The following EXD3 variants were observed in gnomAD, a reference collection of about 807,000 sequenced individuals.
The protein encoded by EXD3 is exonuclease mut-7 homolog.
A neutral mutation model predicts 98.0 loss-of-function variants in EXD3; 92 were observed. The observed-to-expected ratio is 0.94, with a 90% CI of 0.79 to 1.12. EXD3 has a LOEUF of 1.12. EXD3 is among the 50% of genes most tolerant of loss of function. EXD3 has a pLI of 0.00. For synonymous variants in EXD3, 569 were observed against 526.0 expected, an observed-to-expected ratio of 1.08 and a Z score of -1.12; for missense variants, 1,222 against 1,191.6, an observed-to-expected ratio of 1.03 and a Z score of -0.38.
intron 16 of EXD3, 108 bp from the exon 17 acceptor site, chr9:137,348,346 T>C: frequency 1.3e-5 from 16 of 1,237,760 alleles, no homozygotes; most frequent in Non-Finnish European, 1.8e-5. Flanking sequence ...CTCTGTTTTA[T>C]CTTCAAAAGA....
chr9:137,356,340 G>A lies in EXD3; in HGVS notation c.685C>T (p.Leu229=). The change falls in exon 8 of 22, where the codon CTG becomes TTG. Residue 229 remains leucine (L), a synonymous_variant. Transcript: ENST00000340951. The part of the protein sequence containing the change: ...RRYPEVTSLS[L]EKLSPKALSR... ...AGCGCCTTCGGACTCAGCTTCTCCA[G>A]GCTCAAGGAGGTCACCTCAGGGTAC... 2 of 1,603,920 alleles carry A rather than the reference G, an allele frequency of 1.2e-6. No individual in the cohort carries two copies. The highest frequency in any genetic ancestry group is 1.7e-6 in the Non-Finnish European group (2 of 1,175,608).
intron 5 of EXD3, 108 bp from the exon 6 acceptor site, chr9:137,368,097 G>A (rs1311017934): frequency 2.8e-5 from 25 of 888,220 alleles, no homozygotes; most frequent in East Asian, 1.3e-4. Flanking sequence ...CACTGAGGCC[G>A]GAGTGCAGGG....
At chr9:137,368,877 G>A (rs1395847520) in intron 5 of EXD3, among the ~76,000 whole-genome samples, 2 of 150,806 alleles carry the variant, frequency 1.3e-5, no homozygotes, top group African/African-American at 4.9e-5. Flanking sequence ...CCGTGGGGAG[G>A]GGCGAAGGTC....
At chr9:137,314,549 G>C (rs987076778) in intron 19 of EXD3, among the ~76,000 whole-genome samples, 3 of 152,032 alleles carry the variant, frequency 2.0e-5, no homozygotes, top group African/African-American at 7.2e-5. Flanking sequence ...GGAACGTCTG[G>C]AGCCTGTGAC....
intron 1 of EXD3, among the ~76,000 whole-genome samples, chr9:137,415,376 T>G (rs1838190359): frequency 2.0e-5 from 3 of 152,094 alleles, no homozygotes; most frequent in Non-Finnish European, 2.9e-5. Context: ...GTAATTTTAG[T>G]AGAGACAGGG....
At chr9:137,421,248 A>G (rs1276954582) in intron 1 of EXD3, among the ~76,000 whole-genome samples, 1 of 152,224 alleles carries the variant, frequency 6.6e-6, no homozygotes, top group African/African-American at 2.4e-5. Flanking sequence ...GTGGGGAAAA[A>G]AAGTCTGAAA....
chr9:137,351,245 G>A (rs1025943468), intron 13 of EXD3, 73 bp downstream of exon 13: 13 of 1,544,142 alleles, frequency 8.4e-6, no homozygotes, highest in Non-Finnish European at 1.1e-5. Context: ...GGGGCACACG[G>A]AGGGAAGGGT....
intron 8 of EXD3, among the ~76,000 whole-genome samples, chr9:137,355,460 A>AGGAAGGAGGAAGGAGGAAGGAGGAAGGAG (rs1231023248): frequency 7.3e-6 from 1 of 137,496 alleles, no homozygotes; most frequent in Non-Finnish European, 1.6e-5. Context: ...TGGAGGAAGG[A>AGGAAGGAGGAAGGAGGAAGGAGGAAGGAG]GAAAGGAGGA....
At position 137,351,313 on chromosome 9, in the gene EXD3, C is replaced by G. The variant is rs559869849; in HGVS notation, c.1384+5G>C. 9.6e-5 allele frequency: 155 copies of G among 1,610,192 alleles called. 3 individuals are homozygous for G. In the South Asian group the frequency reaches 1.4e-3, roughly 15 times the overall value. ...CTGGGCAGGGGGCCCCAGGGCTTCA[C>G]TCACCCAGCTTGGTGATAGAGGGGT... On this transcript the variant is annotated splice_donor_5th_base_variant and intron_variant, in intron 13 of 21. Coordinates refer to ENST00000340951, the MANE Select transcript of EXD3 (RefSeq NM_017820.5).
chr9:137,328,898 GGGACTACACAGGGTCACACGGGACT>G, intron 17 of EXD3, among the ~76,000 whole-genome samples: 1 of 73,200 alleles, frequency 1.4e-5, no homozygotes, highest in Non-Finnish European at 2.5e-5. Flanking sequence ...GGGGCTACAC[GGGACTACACAGGGTCACACGGGACT>G]ACACGGGACT....
At chr9:137,359,044 T>TCATGC (rs1024936660) in intron 7 of EXD3, among the ~76,000 whole-genome samples, 1 of 98,148 alleles carries the variant, frequency 1.0e-5, no homozygotes, top group Non-Finnish European at 2.4e-5. Flanking sequence ...CCTCCTGGGT[T>TCATGC]CATGCCATTC....
At chr9:137,348,783 CTAGA>C (rs1483985789) in intron 16 of EXD3, among the ~76,000 whole-genome samples, 1 of 43,662 alleles carries the variant, frequency 2.3e-5, no homozygotes, top group Non-Finnish European at 4.4e-5. Flanking sequence ...GGGGAGGGGG[CTAGA>C]TAGAGAGGGG....
intron 17 of EXD3, among the ~76,000 whole-genome samples, chr9:137,344,598 G>A (rs952133604): frequency 3.3e-5 from 5 of 152,174 alleles, no homozygotes; most frequent in African/African-American, 1.2e-4. Context: ...TACACACTCA[G>A]CTTTTCAGGT....
intron 5 of EXD3, among the ~76,000 whole-genome samples, chr9:137,368,235 C>T (rs1835373322): frequency 6.6e-6 from 1 of 152,216 alleles, no homozygotes; most frequent in Non-Finnish European, 1.5e-5. Context: ...CTGGATGGGG[C>T]AGCAGGGACT....
At chr9:137,396,008 C>T (rs1837202967) in intron 1 of EXD3, among the ~76,000 whole-genome samples, 1 of 150,142 alleles carries the variant, frequency 6.7e-6, no homozygotes, top group African/African-American at 2.5e-5. Context: ...CTCTGCAATG[C>T]CCAGGCTGGA....
rs1449084175 is a variant in EXD3 at position 137,355,506 on chromosome 9, A to T, written c.758-733T>A. Among the ~76,000 whole-genome samples, 192 of 80,352 alleles carry T rather than the reference A, an allele frequency of 2.4e-3. 1 individual carries two copies. The highest frequency in any genetic ancestry group is 5.4e-3 in the East Asian group (14 of 2,612). The allele number at this position is 80,352 out of a possible 152,430, so 52.7% of individuals were successfully genotyped here. ...AGGAAGGAGGATGGAGGAAGGAGGA[A>T]GGAGGAAGGAGGAAGGAGGATGGAG... On this transcript the variant is annotated intron_variant, in intron 8 of 21. Coordinates refer to ENST00000340951, the MANE Select transcript of EXD3 (RefSeq NM_017820.5).
Position 137,328,743 on chromosome 9 carries a change from T to C in EXD3, c.1999-4600A>G, listed in dbSNP as rs371581403. ...GGGACTACACGGGACTACACGGGGCTACACGGGACTACACGGGACTACACG... is the reference window on the plus strand; with the variant it reads ...GGGACTACACGGGACTACACGGGGCCACACGGGACTACACGGGACTACACG... On this transcript the variant is annotated intron_variant, in intron 17 of 21. Coordinates refer to ENST00000340951, the MANE Select transcript of EXD3 (RefSeq NM_017820.5). 0.017 allele frequency among the ~76,000 whole-genome samples: 157 copies of C among 9,182 alleles called. 1 individual carries two copies. In the East Asian group the frequency reaches 0.5, roughly 29 times the overall value. The allele number at this position is 9,182 out of a possible 152,430, so 6.0% of individuals were successfully genotyped here. A position where few individuals can be genotyped will look rare whatever the true frequency, so the allele number is the denominator to read the frequency against.
intron 1 of EXD3, among the ~76,000 whole-genome samples, chr9:137,421,995 G>A (rs555303509): frequency 6.8e-4 from 103 of 151,176 alleles, no homozygotes; most frequent in Non-Finnish European, 9.9e-4. Flanking sequence ...AATTAATGGT[G>A]TTTCTAAAAA....
chr9:137,332,355 C>T (rs533600072), intron 17 of EXD3, among the ~76,000 whole-genome samples: 5 of 152,052 alleles, frequency 3.3e-5, no homozygotes, highest in South Asian at 4.2e-4. Flanking sequence ...TTTGGGAGGC[C>T]GAGGCAGGTG....
Sources: allele counts gnomAD v4.1 joint callset (sites outside exome capture counted in the v4.1 genomes callset), GRCh38; gene constraint gnomAD v4.1.1; transcripts MANE v1.5; gene names NCBI Gene and HGNC (gene_info 2026-07-23, HGNC 2026-07-21).